The following BRWD1 variants were observed in gnomAD, a reference collection of about 807,000 sequenced individuals.
The protein encoded by BRWD1 is bromodomain and WD repeat domain containing 1, also known as bromodomain and WD repeat-containing protein 1.
Under a neutral mutation model 251.2 loss-of-function variants are expected in BRWD1, and 82 were observed. The ratio of observed to expected loss-of-function variants is 0.33; its 90% CI spans 0.27 to 0.39. BRWD1 has a LOEUF of 0.39. Among genes scored for constraint, BRWD1 ranks in the 10% least tolerant of loss-of-function variants. The pLI, the probability that BRWD1 is intolerant of heterozygous loss-of-function variation, is 1.00. For synonymous variants in BRWD1, 918 were observed against 902.8 expected (o/e 1.02, Z -0.30); for missense variants, 2,233 against 2,711.6 (o/e 0.82, Z 3.92).
In BRWD1 at chr21:39,270,263, C is replaced by T. The variant is rs6517532; in HGVS notation, c.1395+20G>A. The T allele has an allele frequency of 0.92, 1,397,414 of 1,520,188 alleles. 645,784 individuals carry two copies. Among genetic ancestry groups the T allele is most frequent in the African/African-American group, 0.97 (69,010 of 71,248 alleles). The allele number at this position is 1,520,188 out of a possible 1,614,324, so 94.2% of individuals were successfully genotyped here. On this transcript the variant is annotated intron_variant, in intron 14 of 40. Transcript: ENST00000342449. ...ATTTCAAAAAATCTCATTTGTTACA[C>T]TGTACCAGAAATTACCTACCATTAA... is the stretch of plus-strand genomic sequence containing the variant.
chr21:39,315,706 T>C (rs1172275085), upstream of BRWD1: 1 of 151,920 alleles, frequency 6.6e-6, no homozygotes, highest in African/African-American at 2.4e-5. Flanking sequence ...GTTAACTCCT[T>C]ACATCTGTTA....
Position 39,194,917 on chromosome 21 carries a change from G to A in BRWD1, c.*1342C>T. The A allele has an allele frequency of 6.6e-7, 1 of 1,508,848 alleles. No homozygotes were observed. Among genetic ancestry groups the A allele is most frequent in the Non-Finnish European group, 8.8e-7 (1 of 1,133,416 alleles). The allele number at this position is 1,508,848 out of a possible 1,614,324, so 93.5% of individuals were successfully genotyped here. On this transcript the variant is annotated 3_prime_UTR_variant, in exon 41 of 41. Coordinates refer to ENST00000342449, the MANE Select transcript of BRWD1 (RefSeq NM_033656.4). ...ATAAATAACTTACAGGTGGGGTACT[G>A]TAACATATCCCTTACCCACTAAATA...
intron 40 of BRWD1, 30 bp downstream of exon 40, chr21:39,198,733 C>G (rs771753901): frequency 6.6e-7 from 1 of 1,519,398 alleles, no homozygotes; most frequent in Non-Finnish European, 8.9e-7. Context: ...GAGAGTCAAT[C>G]AGTGAACAAA....
At chr21:39,264,428 TAA>T (rs33939736) in intron 17 of BRWD1, 30 bp downstream of exon 17, 158,692 of 1,139,518 alleles carry the variant, frequency 0.14, 201 homozygotes, top group South Asian at 0.17. Context: ...AGTACAACTT[TAA>T]AAAAAAAAAA....
rs2031318412 is a variant in BRWD1 at position 39,187,643 on chromosome 21, G to T, written c.*8616C>A. 4 of 985,340 alleles carry T rather than the reference G, an allele frequency of 4.1e-6. No individual in the cohort carries two copies. The highest frequency in any genetic ancestry group is 4.8e-6 in the Non-Finnish European group (4 of 829,866). 61.0% of individuals were successfully genotyped at this position (985,340 alleles called of 1,614,324 possible). A position where few individuals can be genotyped will look rare whatever the true frequency, so the allele number is the denominator to read the frequency against. The stretch of plus-strand genomic sequence containing the variant: ...TGTCACTTAAAACAGTAGCAGACTT[G>T]TAAGAATGGGGTGAAAAGTTCCTTC... On this transcript the variant is annotated 3_prime_UTR_variant, in exon 41 of 41. Coordinates refer to ENST00000342449, the MANE Select transcript of BRWD1 (RefSeq NM_033656.4).
rs945307001 is a variant in BRWD1, at chr21:39,200,628, A to G, written c.4586-242T>C. The G allele has an allele frequency of 1.4e-5, 4 of 288,808 alleles. No individual in the cohort carries two copies. In the East Asian group the frequency reaches 2.1e-4, roughly 15 times the overall value. 17.9% of individuals were successfully genotyped at this position (288,808 alleles called of 1,614,324 possible). A position where few individuals can be genotyped will look rare whatever the true frequency, so the allele number is the denominator to read the frequency against. On this transcript the variant is annotated intron_variant, in intron 38 of 40. Transcript: ENST00000342449. ...TTATATTTCTAAAAATAACAGATTA[A>G]TCCTAGTGTAGATTTACAAAATATA... is the stretch of plus-strand genomic sequence containing the variant.
chr21:39,193,847 T>C lies in BRWD1; in HGVS notation c.*2412A>G. On this transcript the variant is annotated 3_prime_UTR_variant, in exon 41 of 41. Coordinates refer to ENST00000342449, the MANE Select transcript of BRWD1 (RefSeq NM_033656.4). ...ATGTAAACATTTTAACTATTAATGA[T>C]TTATTAATTTTCCTTAAAGGTACTT... is the stretch of plus-strand genomic sequence containing the variant. 1.0e-6 allele frequency: 1 copy of C among 985,056 alleles called. No homozygotes were observed. The highest frequency in any genetic ancestry group is 1.2e-6 in the Non-Finnish European group (1 of 829,238). The allele number at this position is 985,056 out of a possible 1,614,324, so 61.0% of individuals were successfully genotyped here. A position where few individuals can be genotyped will look rare whatever the true frequency, so the allele number is the denominator to read the frequency against.
intron 8 of BRWD1, among the ~76,000 whole-genome samples, chr21:39,281,791 C>A (rs1220003377): frequency 6.6e-6 from 1 of 151,412 alleles, no homozygotes; most frequent in East Asian, 2.0e-4. Flanking sequence ...TCGCTTGAAT[C>A]CGGGAGGCAA....
Position 39,190,995 on chromosome 21 carries a change from G to C in BRWD1, c.*5264C>G. On this transcript the variant is annotated 3_prime_UTR_variant, in exon 41 of 41. Coordinates refer to ENST00000342449, the MANE Select transcript of BRWD1 (RefSeq NM_033656.4). ...CCTAGAAAAACTCAGATTTGTGATG[G>C]CTATTGCAATTTTTAATAAAAATCT... 1.0e-6 allele frequency: 1 copy of C among 985,128 alleles called. No homozygotes were observed. The highest frequency in any genetic ancestry group is 1.2e-6 in the Non-Finnish European group (1 of 829,800). 61.0% of individuals were successfully genotyped at this position (985,128 alleles called of 1,614,324 possible).
rs755109734 is a variant in BRWD1, at chr21:39,200,285, G to A, written c.4687C>T (p.Arg1563Cys). ...TTGCTGCTTCTGGATAGCCCACTGC[G>A]TGAGGAGGATTCACGAGCTCTGGAA... Reference protein sequence around the residue: ...ESSRARESSSRSGLSRSSNLR... With the variant: ...ESSRARESSSCSGLSRSSNLR... The change falls in exon 39 of 41, where the codon CGC becomes TGC. Residue 1563 changes from arginine to cysteine, a missense_variant. This residue lies in a region of BRWD1 where 928 missense variants were observed against 970.0 expected (regional missense o/e 0.96). Coordinates refer to ENST00000342449, the MANE Select transcript of BRWD1 (RefSeq NM_033656.4). 3.7e-6 allele frequency: 6 copies of A among 1,614,114 alleles called. No individual in the cohort carries two copies. The highest frequency in any genetic ancestry group is 2.2e-5 in the East Asian group (1 of 44,870).
At chr21:39,225,791 T>C (rs1009935686) in intron 27 of BRWD1, among the ~76,000 whole-genome samples, 3 of 152,222 alleles carry the variant, frequency 2.0e-5, no homozygotes, top group Admixed American at 6.5e-5. Context: ...ATTTTCAAAC[T>C]TATGTAAACA....
At chr21:39,257,856 T>C (rs2146632972) in intron 18 of BRWD1, among the ~76,000 whole-genome samples, 1 of 152,216 alleles carries the variant, frequency 6.6e-6, no homozygotes, top group African/African-American at 2.4e-5. Flanking sequence ...ATATAAGGAA[T>C]CTAGGTAAAG....
chr21:39,295,972 TAAC>T (rs2035951716), intron 6 of BRWD1, 69 bp from the exon 7 acceptor site: 2 of 1,327,670 alleles, frequency 1.5e-6, no homozygotes, highest in Non-Finnish European at 1.0e-6. Flanking sequence ...AAAACTCAAA[TAAC>T]AATTTCTAGA....
chr21:39,256,297 C>A (rs953008717), intron 18 of BRWD1, among the ~76,000 whole-genome samples: 1 of 152,180 alleles, frequency 6.6e-6, no homozygotes, highest in Admixed American at 6.5e-5. Context: ...TAAAAAAAGT[C>A]TTTTTGAAAA....
chr21:39,297,354 A>C, intron 5 of BRWD1: 1 of 985,506 alleles, frequency 1.0e-6, no homozygotes, highest in Non-Finnish European at 1.2e-6. Flanking sequence ...CTCCTGGGGT[A>C]CCAGTACAAA....
intron 21 of BRWD1, among the ~76,000 whole-genome samples, chr21:39,240,981 A>G (rs1601359503): frequency 6.6e-6 from 1 of 151,566 alleles, no homozygotes; most frequent in Non-Finnish European, 1.5e-5. Flanking sequence ...GCTCACTGCA[A>G]CCTCCACTTC....
chr21:39,319,781 G>A (rs1027668484), intron 1 of BRWD1, among the ~76,000 whole-genome samples: 1 of 152,002 alleles, frequency 6.6e-6, no homozygotes. Flanking sequence ...CTTAGTTCAG[G>A]CCCTCAATCA....
intron 8 of BRWD1, among the ~76,000 whole-genome samples, chr21:39,288,190 A>C (rs1463358541): frequency 6.6e-6 from 1 of 152,242 alleles, no homozygotes; most frequent in African/African-American, 2.4e-5. Flanking sequence ...TTGAGTGTGC[A>C]ATCTACCTAA....
chr21:39,193,674 G>A lies in BRWD1; in HGVS notation c.*2585C>T, dbSNP rs1031026210. On this transcript the variant is annotated 3_prime_UTR_variant, in exon 41 of 41. Coordinates refer to ENST00000342449, the MANE Select transcript of BRWD1 (RefSeq NM_033656.4). The stretch of plus-strand genomic sequence containing the variant: ...GTGGAAAGGTACAGCACTTATTTCT[G>A]GATCAGTTCACATTCAAATTATAAC... 1.9e-4 allele frequency: 184 copies of A among 985,182 alleles called. No individual in the cohort carries two copies. The highest frequency in any genetic ancestry group is 2.1e-4 in the Non-Finnish European group (178 of 829,648). The allele number at this position is 985,182 out of a possible 1,614,324, so 61.0% of individuals were successfully genotyped here.
Sources: allele counts gnomAD v4.1 joint callset (sites outside exome capture counted in the v4.1 genomes callset), GRCh38; gene constraint gnomAD v4.1.1; regional missense constraint gnomAD v4.1.1; transcripts MANE v1.5; gene names NCBI Gene and HGNC (gene_info 2026-07-23, HGNC 2026-07-21).